FHIP1A: variants seen among roughly 807,000 people sequenced by gnomAD.
FHIP1A encodes the protein FHF complex subunit HOOK-interacting protein 1A.
In FHIP1A, 61 loss-of-function variants were observed where a neutral mutation model predicts 88.6. The observed-to-expected ratio is 0.69, with a 90% confidence interval of 0.56 to 0.85. The LOEUF is 0.85. Among genes scored for constraint, FHIP1A ranks in the 40% least tolerant of loss-of-function variants. The pLI is 0.00. For synonymous variants in FHIP1A, 478 were observed against 496.0 expected, an observed-to-expected ratio of 0.96 and a Z score of 0.48; for missense variants, 1,154 against 1,273.5, an observed-to-expected ratio of 0.91 and a Z score of 1.43.
At chr4:151,439,817 TTTG>T (rs1374768666) in intron 1 of FHIP1A, among the ~76,000 whole-genome samples, 5 of 152,186 alleles carry the variant, frequency 3.3e-5, no homozygotes, top group African/African-American at 4.8e-5. Context: ...TCATTTAGTT[TTTG>T]TTGTTGTTTT....
intron 1 of FHIP1A, among the ~76,000 whole-genome samples, chr4:151,450,562 C>T (rs1728753880): frequency 6.6e-6 from 1 of 152,142 alleles, no homozygotes. Context: ...GCTTACACAA[C>T]TGTATATATA....
chr4:151,471,299 T>TTTA (rs1554080076), intron 2 of FHIP1A, among the ~76,000 whole-genome samples: 1 of 140,868 alleles, frequency 7.1e-6, no homozygotes, highest in Non-Finnish European at 1.6e-5. Context: ...TTTTTTTTTT[T>TTTA]AAACTTTAGC....
intron 5 of FHIP1A, among the ~76,000 whole-genome samples, chr4:151,579,032 A>T (rs1047118854): frequency 2.6e-5 from 4 of 152,214 alleles, no homozygotes; most frequent in Admixed American, 2.6e-4. Flanking sequence ...ACTATACGAC[A>T]TTCTGGAAAA....
intron 10 of FHIP1A, among the ~76,000 whole-genome samples, chr4:151,648,135 A>T (rs1406571304): frequency 1.3e-5 from 2 of 152,168 alleles, no homozygotes; most frequent in African/African-American, 4.8e-5. Context: ...TTTGCCTAAG[A>T]AAGTAGCAGA....
At position 151,662,006 on chromosome 4, in the gene FHIP1A, C is replaced by T. The variant is rs140609354; in HGVS notation, c.2870-495C>T. ...GGGGAGCCCGAGAGGCTGGAGCACC[C>T]GCTGCAGAGAGCTTGGAGTGACCCA... On this transcript the variant is annotated intron_variant, in intron 13 of 13. Transcript: ENST00000435205. Among the ~76,000 whole-genome samples, 106 of 152,322 alleles carry T rather than the reference C, an allele frequency of 7.0e-4. No homozygotes were observed. In the East Asian group the frequency reaches 0.018, roughly 26 times the overall value.
intron 7 of FHIP1A, among the ~76,000 whole-genome samples, chr4:151,626,059 A>T (rs550968482): frequency 1.4e-3 from 219 of 152,326 alleles, no homozygotes; most frequent in Non-Finnish European, 2.6e-3. Flanking sequence ...ATGTTTGCAT[A>T]TATATGTATA....
At chr4:151,575,958 G>T (rs1480477794) in intron 4 of FHIP1A, among the ~76,000 whole-genome samples, 2 of 152,130 alleles carry the variant, frequency 1.3e-5, no homozygotes, top group Non-Finnish European at 2.9e-5. Context: ...TAGATTCCAT[G>T]CAATTCAGAA....
intron 1 of FHIP1A, among the ~76,000 whole-genome samples, chr4:151,413,763 A>G (rs1437728438): frequency 1.3e-5 from 2 of 151,520 alleles, no homozygotes; most frequent in African/African-American, 2.4e-5. Flanking sequence ...CCTCATATGT[A>G]TTACTTAAAA....
chr4:151,519,424 T>A (rs987028241), intron 3 of FHIP1A, among the ~76,000 whole-genome samples: 1 of 152,186 alleles, frequency 6.6e-6, no homozygotes, highest in Admixed American at 6.5e-5. Flanking sequence ...GTAGCTTTTT[T>A]TTTATTGCTG....
At chr4:151,474,298 C>T (rs148600934) in intron 2 of FHIP1A, among the ~76,000 whole-genome samples, 2 of 152,238 alleles carry the variant, frequency 1.3e-5, no homozygotes, top group African/African-American at 4.8e-5. Context: ...TTTAGTTATG[C>T]CTCACTACCT....
At chr4:151,621,389 G>A (rs1458989326) in intron 7 of FHIP1A, among the ~76,000 whole-genome samples, 2 of 120,206 alleles carry the variant, frequency 1.7e-5, no homozygotes, top group Admixed American at 7.7e-5. Context: ...AGGTCTTTCC[G>A]GTGCTCATGG....
At position 151,507,762 on chromosome 4, in the gene FHIP1A, C is replaced by T. The variant is rs535248942; in HGVS notation, c.-123+25114C>T. Among the ~76,000 whole-genome samples, 17 of 152,260 alleles carry T rather than the reference C, an allele frequency of 1.1e-4. No homozygotes were observed. In the South Asian group the frequency reaches 3.1e-3, roughly 28 times the overall value. On this transcript the variant is annotated intron_variant, in intron 3 of 13. Transcript: ENST00000435205. ...CCCCCACCTCCTTATGGTTTAAACA[C>T]GTTGAGAACCACAGTTCTGTCCTCT...
At chr4:151,432,889 G>A (rs979659347) in intron 1 of FHIP1A, among the ~76,000 whole-genome samples, 2 of 152,146 alleles carry the variant, frequency 1.3e-5, no homozygotes, top group African/African-American at 4.8e-5. Context: ...GAGAGAGGAG[G>A]AAGTGCTTAC....
intron 3 of FHIP1A, among the ~76,000 whole-genome samples, chr4:151,557,076 T>C (rs1272884734): frequency 6.6e-6 from 1 of 152,190 alleles, no homozygotes; most frequent in African/African-American, 2.4e-5. Flanking sequence ...ACTCTAATAG[T>C]ATTGGGTCAG....
chr4:151,443,724 T>TGTG (rs370363970), intron 1 of FHIP1A, among the ~76,000 whole-genome samples: 1 of 148,172 alleles, frequency 6.7e-6, no homozygotes, highest in Non-Finnish European at 1.5e-5. Flanking sequence ...TGTGTGTGTG[T>TGTG]TTAGTACTGG....
At chr4:151,600,444 GA>G (rs1734820261) in intron 7 of FHIP1A, among the ~76,000 whole-genome samples, 1 of 152,236 alleles carries the variant, frequency 6.6e-6, no homozygotes, top group South Asian at 2.1e-4. Flanking sequence ...CAGGGCCCCA[GA>G]AGGAATAGAT....
At chr4:151,506,032 C>T (rs1464605520) in intron 3 of FHIP1A, among the ~76,000 whole-genome samples, 1 of 152,206 alleles carries the variant, frequency 6.6e-6, no homozygotes, top group African/African-American at 2.4e-5. Flanking sequence ...AAGTGATCCT[C>T]CCACCTCAGC....
intron 3 of FHIP1A, among the ~76,000 whole-genome samples, chr4:151,514,516 C>G (rs1731154787): frequency 6.6e-6 from 1 of 151,532 alleles, no homozygotes. Context: ...AATCCAGGAG[C>G]TGGTTTTTTG....
intron 1 of FHIP1A, among the ~76,000 whole-genome samples, chr4:151,434,231 T>C (rs2724551): frequency 0.52 from 78,506 of 151,466 alleles, 20,594 homozygotes; most frequent in African/African-American, 0.55. Context: ...ACTCTTTGGC[T>C]GTAAGTCCTA....
Sources: allele counts gnomAD v4.1 joint callset (sites outside exome capture counted in the v4.1 genomes callset), GRCh38; gene constraint gnomAD v4.1.1; transcripts MANE v1.5; gene names NCBI Gene and HGNC (gene_info 2026-07-23, HGNC 2026-07-21).